KITLG: variants seen among roughly 807,000 people sequenced by gnomAD.
KITLG encodes KIT ligand.
A neutral mutation model predicts 34.1 loss-of-function variants in KITLG; 13 were observed. That is an observed-to-expected ratio of 0.38 (90% confidence interval 0.25 to 0.61). The LOEUF is 0.61. KITLG is among the 20% of genes least tolerant of loss of function. KITLG has a pLI of 0.60. For missense variants in KITLG, 292 were observed against 318.9 expected, an observed-to-expected ratio of 0.92 and a Z score of 0.64; for synonymous variants, 110 against 104.0, an observed-to-expected ratio of 1.06 and a Z score of -0.35.
intron 2 of KITLG, among the ~76,000 whole-genome samples, chr12:88,533,682 C>A (rs1870192571): frequency 6.6e-6 from 1 of 152,242 alleles, no homozygotes; most frequent in Non-Finnish European, 1.5e-5. Context: ...TTTTTTCCTT[C>A]ACCTTGTCTC....
chr12:88,524,394 A>T, intron 3 of KITLG, among the ~76,000 whole-genome samples: 1 of 152,202 alleles, frequency 6.6e-6, no homozygotes, highest in African/African-American at 2.4e-5. Flanking sequence ...ATATGGAATA[A>T]CTATTTCTAA....
At chr12:88,529,972 C>T (rs1870022734) in intron 3 of KITLG, among the ~76,000 whole-genome samples, 1 of 152,152 alleles carries the variant, frequency 6.6e-6, no homozygotes, top group South Asian at 2.1e-4. Context: ...AAATATGTGG[C>T]AGTGAATCAG....
chr12:88,533,871 C>G (rs1364575790), intron 2 of KITLG, among the ~76,000 whole-genome samples: 1 of 152,064 alleles, frequency 6.6e-6, no homozygotes, highest in Non-Finnish European at 1.5e-5. Flanking sequence ...TAAGTAGTCA[C>G]ATGGGAGCTA....
At chr12:88,525,462 A>G (rs1192781188) in intron 3 of KITLG, among the ~76,000 whole-genome samples, 6 of 152,182 alleles carry the variant, frequency 3.9e-5, no homozygotes, top group African/African-American at 1.2e-4. Context: ...GATTGTCTAA[A>G]GAATGGTGAG....
intron 1 of KITLG, among the ~76,000 whole-genome samples, chr12:88,577,584 C>A (rs949498541): frequency 1.1e-4 from 16 of 151,936 alleles, no homozygotes; most frequent in Admixed American, 3.3e-4. Context: ...TAAGCCCAAG[C>A]CACAAACACC....
At chr12:88,515,494 T>C (rs369192003) in intron 6 of KITLG, 40 bp downstream of exon 6, 16 of 1,281,540 alleles carry the variant, frequency 1.2e-5, no homozygotes, top group Middle Eastern at 1.8e-4. Flanking sequence ...TAGGTGCTAA[T>C]TGGAGCCATG....
chr12:88,499,956 C>A (rs1868787958), intron 9 of KITLG, among the ~76,000 whole-genome samples: 2 of 152,180 alleles, frequency 1.3e-5, no homozygotes, highest in South Asian at 4.1e-4. Context: ...TTTTCTCACA[C>A]CTCAGCTTTG....
chr12:88,539,820 G>C (rs527348325), intron 2 of KITLG, among the ~76,000 whole-genome samples: 1 of 152,130 alleles, frequency 6.6e-6, no homozygotes, highest in African/African-American at 2.4e-5. Context: ...AGCTACTAGA[G>C]AGGCTGAGGC....
chr12:88,512,492 A>G (rs1487682856), intron 6 of KITLG, among the ~76,000 whole-genome samples: 1 of 152,078 alleles, frequency 6.6e-6, no homozygotes, highest in African/African-American at 2.4e-5. Context: ...AAAATTTATG[A>G]CTATTTTTTC....
At chr12:88,556,821 G>A (rs544311825) in intron 1 of KITLG, among the ~76,000 whole-genome samples, 1 of 152,160 alleles carries the variant, frequency 6.6e-6, no homozygotes, top group East Asian at 1.9e-4. Flanking sequence ...TTGATTGTGG[G>A]GTACAGCAGC....
At chr12:88,541,923 T>C (rs1158490824) in intron 2 of KITLG, among the ~76,000 whole-genome samples, 1 of 152,190 alleles carries the variant, frequency 6.6e-6, no homozygotes, top group East Asian at 1.9e-4. Flanking sequence ...GGTTGCCACC[T>C]AATGCAAAGA....
intron 1 of KITLG, among the ~76,000 whole-genome samples, chr12:88,559,871 G>A (rs1449020599): frequency 6.6e-6 from 1 of 152,172 alleles, no homozygotes; most frequent in Non-Finnish European, 1.5e-5. Flanking sequence ...TCATTGACAT[G>A]CCTGAGACAC....
At chr12:88,577,587 C>T (rs1312745163) in intron 1 of KITLG, among the ~76,000 whole-genome samples, 1 of 152,062 alleles carries the variant, frequency 6.6e-6, no homozygotes, top group East Asian at 1.9e-4. Context: ...GCCCAAGCCA[C>T]AAACACCTCT....
At chr12:88,543,687 C>A (rs762757463) in intron 2 of KITLG, among the ~76,000 whole-genome samples, 1 of 152,138 alleles carries the variant, frequency 6.6e-6, no homozygotes, top group Non-Finnish European at 1.5e-5. Flanking sequence ...TTTCCCCGCC[C>A]TTCTCATATC....
At chr12:88,564,203 T>C (rs1871375548) in intron 1 of KITLG, 1 of 152,176 alleles carries the variant, frequency 6.6e-6, no homozygotes, top group Non-Finnish European at 1.5e-5. Context: ...ATATAGGAAA[T>C]GTACCTTAAG....
chr12:88,510,634 C>G (rs1310552685), intron 6 of KITLG, among the ~76,000 whole-genome samples: 1 of 152,180 alleles, frequency 6.6e-6, no homozygotes, highest in Non-Finnish European at 1.5e-5. Context: ...TAAACATTCT[C>G]TTTGCTTATC....
At chr12:88,531,793 G>A (rs1434051727) in intron 3 of KITLG, among the ~76,000 whole-genome samples, 2 of 152,038 alleles carry the variant, frequency 1.3e-5, no homozygotes, top group Non-Finnish European at 2.9e-5. Context: ...ATTTACTTTG[G>A]AAGTACAGAT....
intron 6 of KITLG, among the ~76,000 whole-genome samples, chr12:88,511,162 A>G (rs2120821984): frequency 6.6e-6 from 1 of 152,332 alleles, no homozygotes; most frequent in Non-Finnish European, 1.5e-5. Context: ...GAGGCACGGG[A>G]TTGAATAGGT....
At chr12:88,497,348 T>TG (rs1467902486) in intron 9 of KITLG, among the ~76,000 whole-genome samples, 167 bp from the exon 10 acceptor site, 2 of 152,218 alleles carry the variant, frequency 1.3e-5, no homozygotes, top group Non-Finnish European at 2.9e-5. Context: ...TTAGATGCAG[T>TG]GATCAGTCAT....
Sources: allele counts gnomAD v4.1 joint callset (sites outside exome capture counted in the v4.1 genomes callset), GRCh38; gene constraint gnomAD v4.1.1; transcripts MANE v1.5; gene names NCBI Gene and HGNC (gene_info 2026-07-23, HGNC 2026-07-21).